USP7: variants seen among roughly 807,000 people sequenced by gnomAD.
USP7 encodes ubiquitin C-terminal hydrolase 7.
In USP7, 9 loss-of-function variants were observed where a neutral mutation model predicts 162.9. That is an observed-to-expected ratio of 0.06 (90% CI 0.03 to 0.10). USP7 has a LOEUF of 0.10. Ranked by LOEUF, USP7 falls within the 10% of genes least tolerant of loss-of-function variation. The probability of loss-of-function intolerance (pLI) is 1.00; values close to 1 mark genes in which losing one functional copy is unlikely to be tolerated. For synonymous variants in USP7, 562 were observed against 475.9 expected, an observed-to-expected ratio of 1.18 and a Z score of -2.35; for missense variants, 715 against 1,373.7, an observed-to-expected ratio of 0.52 and a Z score of 7.58.
chr16:8,892,485 C>T lies in USP7; in HGVS notation c.*1513G>A, dbSNP rs1298129084. 6.6e-6 allele frequency: 1 copy of T among 152,146 alleles called. No homozygotes were observed. Among genetic ancestry groups the T allele is most frequent in the African/African-American group, 2.4e-5 (1 of 41,448 alleles). The allele number at this position is 152,146 out of a possible 1,614,324, so 9.4% of individuals were successfully genotyped here. A position where few individuals can be genotyped will look rare whatever the true frequency, so the allele number is the denominator to read the frequency against. ...GGTGCAAGGACCACGCCCACGATAGCGCCTGCCGCCCCGAAGGGCCTCGTG... is the reference window on the plus strand; with the variant it reads ...GGTGCAAGGACCACGCCCACGATAGTGCCTGCCGCCCCGAAGGGCCTCGTG... On this transcript the variant is annotated 3_prime_UTR_variant, in exon 31 of 31. Transcript: ENST00000344836.
chr16:8,918,286 T>C (rs911303208), intron 6 of USP7, among the ~76,000 whole-genome samples: 2 of 152,220 alleles, frequency 1.3e-5, no homozygotes, highest in Non-Finnish European at 2.9e-5. Flanking sequence ...GAGTGCCGAT[T>C]TCCTGTACTG....
chr16:8,940,967 G>A (rs2141249118), intron 1 of USP7, among the ~76,000 whole-genome samples: 1 of 152,278 alleles, frequency 6.6e-6, no homozygotes, highest in Non-Finnish European at 1.5e-5. Context: ...GGAATAGCAG[G>A]ACAGAATTCT....
intron 1 of USP7, among the ~76,000 whole-genome samples, chr16:8,951,985 C>G (rs1899574794): frequency 6.6e-6 from 1 of 152,238 alleles, no homozygotes; most frequent in Non-Finnish European, 1.5e-5. Flanking sequence ...CCACAACGTT[C>G]AGACTGGGAA....
At chr16:8,934,186 T>C (rs1898546214) in intron 1 of USP7, among the ~76,000 whole-genome samples, 1 of 152,254 alleles carries the variant, frequency 6.6e-6, no homozygotes, top group Non-Finnish European at 1.5e-5. Flanking sequence ...GGGCTCATTT[T>C]CTGTACATAA....
At position 8,900,976 on chromosome 16, in the gene USP7, T is replaced by A. The variant is rs779295073; in HGVS notation, c.2208+14A>T. Reference sequence around the variant, plus strand: ...TAAGAATATACTAATTATGGAAAAATAAACCATCCAAACCTCATAGAGGAT... The same window carrying A: ...TAAGAATATACTAATTATGGAAAAAAAAACCATCCAAACCTCATAGAGGAT... On this transcript the variant is annotated intron_variant, in intron 20 of 30. Coordinates refer to ENST00000344836, the MANE Select transcript of USP7 (RefSeq NM_003470.3). The A allele has an allele frequency of 6.2e-6, 10 of 1,610,690 alleles. No homozygotes were observed. Among genetic ancestry groups the A allele is most frequent in the African/African-American group, 1.3e-5 (1 of 74,642 alleles).
chr16:8,924,987 A>C (rs527283300), intron 2 of USP7, among the ~76,000 whole-genome samples: 7 of 152,330 alleles, frequency 4.6e-5, no homozygotes, highest in African/African-American at 1.4e-4. Flanking sequence ...TGAGGATAGA[A>C]GTCTACTAAA....
chr16:8,914,655 C>A (rs575619047), intron 10 of USP7, among the ~76,000 whole-genome samples: 5 of 152,136 alleles, frequency 3.3e-5, no homozygotes, highest in African/African-American at 1.2e-4. Flanking sequence ...CATGGCAGCT[C>A]ATGTCTAATT....
intron 6 of USP7, among the ~76,000 whole-genome samples, chr16:8,917,405 G>T (rs1596374747): frequency 6.6e-6 from 1 of 152,234 alleles, no homozygotes; most frequent in African/African-American, 2.4e-5. Context: ...GTGACACGAA[G>T]TCTCACTCTG....
chr16:8,942,709 A>G (rs1478589128), intron 1 of USP7, among the ~76,000 whole-genome samples: 1 of 152,046 alleles, frequency 6.6e-6, no homozygotes, highest in Admixed American at 6.6e-5. Context: ...CACCACACTC[A>G]GCTAGTTTCT....
chr16:8,905,543 G>A (rs1009318369), intron 13 of USP7, among the ~76,000 whole-genome samples: 2 of 152,188 alleles, frequency 1.3e-5, no homozygotes, highest in Non-Finnish European at 2.9e-5. Context: ...CAGGACCTTC[G>A]CAGTCCCCAT....
intron 2 of USP7, among the ~76,000 whole-genome samples, chr16:8,929,039 C>T (rs1898172937): frequency 7.3e-6 from 1 of 137,580 alleles, no homozygotes; most frequent in Non-Finnish European, 1.5e-5. Flanking sequence ...CCCAAGACCT[C>T]CCCCCTAAAA....
intron 12 of USP7, among the ~76,000 whole-genome samples, chr16:8,907,419 TC>T (rs2061878119): frequency 6.6e-6 from 1 of 152,176 alleles, no homozygotes; most frequent in African/African-American, 2.4e-5. Flanking sequence ...GATTACACTC[TC>T]CCTTAAACCT....
At chr16:8,935,962 A>G (rs921332214) in intron 1 of USP7, 1 of 152,228 alleles carries the variant, frequency 6.6e-6, no homozygotes, top group Admixed American at 6.5e-5. Context: ...CTGAGATAAC[A>G]GATCAGAATA....
At chr16:8,907,330 T>C in intron 12 of USP7, among the ~76,000 whole-genome samples, 1 of 152,256 alleles carries the variant, frequency 6.6e-6, no homozygotes, top group East Asian at 1.9e-4. Flanking sequence ...TTGTGGTTTC[T>C]GGCTGAGACA....
chr16:8,933,939 T>C (rs967161494), intron 1 of USP7, among the ~76,000 whole-genome samples: 1 of 152,068 alleles, frequency 6.6e-6, no homozygotes, highest in Admixed American at 6.6e-5. Flanking sequence ...TTATTTTTAG[T>C]AGAGACAGGG....
chr16:8,904,534 A>G lies in USP7; in HGVS notation c.1605T>C (p.Asp535=), dbSNP rs762840813. Residue 535 remains aspartate (D), a synonymous_variant, in exon 15 of 31, where the codon GAT becomes GAC. Coordinates refer to ENST00000344836, the MANE Select transcript of USP7 (RefSeq NM_003470.3). ...SEVLQAVTDH[D]IPQQLVERLQ... ...ATCGCTCCACCAACTGCTGAGGAAT[A>G]TCATGGTCGGTGACCGCCTGTAAAA... 1.3e-5 allele frequency: 21 copies of G among 1,614,058 alleles called. No homozygotes were observed. The highest frequency in any genetic ancestry group is 1.8e-5 in the Non-Finnish European group (21 of 1,180,048).
At chr16:8,927,628 G>C (rs978458637) in intron 2 of USP7, among the ~76,000 whole-genome samples, 1 of 151,842 alleles carries the variant, frequency 6.6e-6, no homozygotes, top group East Asian at 2.0e-4. Context: ...CTGAGGTCAG[G>C]TGTTCAAGAC....
At chr16:8,897,322 A>G (rs986901632) in intron 25 of USP7, 5 of 506,766 alleles carry the variant, frequency 9.9e-6, no homozygotes, top group African/African-American at 9.6e-5. Context: ...GAGGTTAACA[A>G]AAGTGGCCTT....
intron 3 of USP7, among the ~76,000 whole-genome samples, chr16:8,921,833 G>A (rs1036245445): frequency 6.6e-6 from 1 of 152,138 alleles, no homozygotes; most frequent in African/African-American, 2.4e-5. Context: ...ACCACAAAAG[G>A]GCCTCTAGAT....
Sources: allele counts gnomAD v4.1 joint callset (sites outside exome capture counted in the v4.1 genomes callset), GRCh38; gene constraint gnomAD v4.1.1; transcripts MANE v1.5; gene names NCBI Gene and HGNC (gene_info 2026-07-23, HGNC 2026-07-21).